NOTCH1: variants seen among roughly 807,000 people sequenced by gnomAD.
The protein encoded by NOTCH1 is neurogenic locus notch homolog protein 1.
NOTCH1 carries 37 observed loss-of-function variants against 254.8 expected under a neutral mutation model. The observed-to-expected ratio is 0.15, with a 90% confidence interval of 0.11 to 0.19. NOTCH1 has a LOEUF of 0.19. Ranked by LOEUF, NOTCH1 falls within the 10% of genes least tolerant of loss-of-function variation. NOTCH1 has a pLI of 1.00. For synonymous variants in NOTCH1, 1,731 were observed against 1,618.1 expected (o/e 1.07, Z -1.68); for missense variants, 2,972 against 3,708.6 (o/e 0.80, Z 5.16).
Position 136,544,113 on chromosome 9 carries a change from G to A in NOTCH1, c.62-11C>T, listed in dbSNP as rs2133406315. On this transcript the variant is annotated splice_polypyrimidine_tract_variant and intron_variant, in intron 1 of 33. Transcript: ENST00000651671. ...GGGAGCATCGCGGGCCTAGGCAGGG[G>A]CAGGAGAAGAGAGGTCAGTCTCACC... 1 of 1,564,788 alleles carries A rather than the reference G, an allele frequency of 6.4e-7. No homozygotes were observed. The highest frequency in any genetic ancestry group is 1.2e-5 in the South Asian group (1 of 85,186).
rs553606088 is a variant in NOTCH1 at position 136,518,649 on chromosome 9, G to A, written c.1041C>T (p.Gly347=). The A allele has an allele frequency of 6.3e-5, 101 of 1,611,496 alleles. 1 individual carries two copies. In the East Asian group the frequency reaches 1.9e-3, roughly 30 times the overall value. The stretch of plus-strand genomic sequence containing the variant: ...AGGCCACACGGTCATGGCAGGTGGC[G>A]CCGTGGAAGCAGGCGGCGCTGGCAC... ...DDCASAACFH[G]ATCHDRVASF... The change falls in exon 6 of 34, where the codon GGC becomes GGT. Residue 347 remains glycine (G), a synonymous_variant. Transcript: ENST00000651671.
chr9:136,499,088 G>A (rs771531664), intron 32 of NOTCH1, 24 bp downstream of exon 32: 1 of 1,612,842 alleles, frequency 6.2e-7, no homozygotes, highest in Non-Finnish European at 8.5e-7. Context: ...CCACGACAGA[G>A]CAGCCGTGCC....
At chr9:136,537,059 G>A (rs954421020) in intron 2 of NOTCH1, among the ~76,000 whole-genome samples, 1 of 152,192 alleles carries the variant, frequency 6.6e-6, no homozygotes, top group Non-Finnish European at 1.5e-5. Context: ...CCGCGGGCAC[G>A]CCAGTCCATC....
At position 136,517,858 on chromosome 9, in the gene NOTCH1, C is replaced by G. The variant is rs564566136; in HGVS notation, c.1335G>C (p.Thr445=). The G allele has an allele frequency of 6.2e-7, 1 of 1,612,688 alleles. No homozygotes were observed. The highest frequency in any genetic ancestry group is 8.5e-7 in the Non-Finnish European group (1 of 1,179,942). Residue 445 remains threonine, a synonymous_variant, in exon 8 of 34, where the codon ACG becomes ACC. Transcript: ENST00000651671. Reference sequence around the variant, plus strand: ...TGACGTCGATCTCGCATCGGGGGCCCGTGTAGCCCTGCAGACACTGGCACT... The same window carrying G: ...TGACGTCGATCTCGCATCGGGGGCCGGTGTAGCCCTGCAGACACTGGCACT... ...SFECQCLQGY[T]GPRCEIDVNE...
intron 9 of NOTCH1, among the ~76,000 whole-genome samples, 153 bp downstream of exon 9, chr9:136,517,119 A>G (rs1446282800): frequency 7.1e-6 from 1 of 140,358 alleles, no homozygotes; most frequent in Non-Finnish European, 1.5e-5. Context: ...CGGGGTGCGG[A>G]CGGCCCGAGG....
intron 24 of NOTCH1, 114 bp from the exon 25 acceptor site, chr9:136,505,995 G>C: frequency 1.1e-6 from 1 of 926,500 alleles, no homozygotes. Context: ...CCTGGGAGGC[G>C]GCCTGCAACC....
At position 136,523,621 on chromosome 9, in the gene NOTCH1, AC is replaced by A. The variant is rs1843411496; in HGVS notation, c.403+95del. ...GCTCCCAATTACTTCCGGGTCAGAG[AC>A]CCGGGCCTGGATCCCGCCAAGTACC... On this transcript the variant is annotated intron_variant, in intron 3 of 33. Coordinates refer to ENST00000651671, the MANE Select transcript of NOTCH1 (RefSeq NM_017617.5). The A allele has an allele frequency of 1.8e-5, 27 of 1,479,196 alleles. No individual in the cohort carries two copies. In the South Asian group the frequency reaches 3.3e-4, roughly 18 times the overall value. The allele number at this position is 1,479,196 out of a possible 1,614,324, so 91.6% of individuals were successfully genotyped here. A position where few individuals can be genotyped will look rare whatever the true frequency, so the allele number is the denominator to read the frequency against.
chr9:136,526,680 C>T (rs1041557205), intron 2 of NOTCH1, among the ~76,000 whole-genome samples: 64 of 152,358 alleles, frequency 4.2e-4, no homozygotes, highest in African/African-American at 1.5e-3. Context: ...CCGGGCCCCA[C>T]TCCCCACCCT....
At position 136,523,795 on chromosome 9, in the gene NOTCH1, T is replaced by C. The variant is rs1439692221; in HGVS notation, c.325A>G (p.Asn109Asp). The C allele has an allele frequency of 1.2e-6, 2 of 1,611,758 alleles. No individual in the cohort carries two copies. The highest frequency in any genetic ancestry group is 1.3e-5 in the African/African-American group (1 of 75,030). The change falls in exon 3 of 34, where the codon AAC (asparagine) becomes GAC (aspartate). Residue 109 changes from asparagine (N) to aspartate (D), a missense_variant. Physicochemically the swap from Asn to Asp is conservative, Grantham distance 23 (BLOSUM62 1). Around this residue, in one of 8 missense-constraint regions of NOTCH1, gnomAD observed 374 missense variants for 496.3 expected, o/e 0.75. Transcript: ENST00000651671. ...CAGGTGCCCCCGTTGCGGCAGGGGT[T>C]GGTGAGGCAGGCATTGTCCAGGGGT... Reference protein sequence around the residue: ...LTPLDNACLTNPCRNGGTCDL... With the variant: ...LTPLDNACLTDPCRNGGTCDL...
chr9:136,525,649 AC>A (rs1294397335), intron 2 of NOTCH1, among the ~76,000 whole-genome samples: 1 of 151,664 alleles, frequency 6.6e-6, no homozygotes, highest in Non-Finnish European at 1.5e-5. Context: ...TTCCCACAGG[AC>A]CCCCACCGGC....
In NOTCH1 at chr9:136,508,115, T is replaced by G. The variant is rs764816819; in HGVS notation, c.3350A>C (p.Gln1117Pro). The stretch of plus-strand genomic sequence containing the variant: ...CGCGTCCACACAGAGCCCTCCATGC[T>G]GGCACAGGCGGGCAACGTCAACACC... Reference protein sequence around the residue: ...RQGVDVARLCQHGGLCVDAGN... With the variant: ...RQGVDVARLCPHGGLCVDAGN... The change falls in exon 21 of 34, where the codon CAG (glutamine) becomes CCG (proline). Residue 1117 changes from glutamine (Q) to proline (P), a missense_variant. Transcript: ENST00000651671. 6.2e-7 allele frequency: 1 copy of G among 1,608,584 alleles called. No individual in the cohort carries two copies. Among genetic ancestry groups the G allele is most frequent in the Admixed American group, 1.7e-5 (1 of 59,968 alleles).
intron 2 of NOTCH1, among the ~76,000 whole-genome samples, chr9:136,528,393 G>GGGGGGTGGGCAGGGACAGTA (rs1564206604): frequency 6.8e-4 from 9 of 13,226 alleles, no homozygotes; most frequent in African/African-American, 1.8e-3. Flanking sequence ...CAGGGACAGT[G>GGGGGGTGGGCAGGGACAGTA]GGGGGGGATG....
At chr9:136,542,558 A>AG (rs1843747240) in intron 2 of NOTCH1, among the ~76,000 whole-genome samples, 1 of 151,488 alleles carries the variant, frequency 6.6e-6, no homozygotes, top group South Asian at 2.1e-4. Flanking sequence ...AAAAAAAAAA[A>AG]AAAAAAAAGT....
intron 2 of NOTCH1, among the ~76,000 whole-genome samples, chr9:136,528,545 G>A (rs1340858993): frequency 6.7e-6 from 1 of 148,686 alleles, no homozygotes; most frequent in Non-Finnish European, 1.5e-5. Context: ...GACGGGCAGG[G>A]ACAGTTGGTG....
intron 2 of NOTCH1, among the ~76,000 whole-genome samples, chr9:136,526,214 T>C (rs1843457115): frequency 6.6e-6 from 1 of 152,230 alleles, no homozygotes; most frequent in Non-Finnish European, 1.5e-5. Context: ...GAGCGGCCGC[T>C]GGGAACCCGT....
Position 136,510,749 on chromosome 9 carries a change from C to A in NOTCH1, c.2644G>T (p.Ala882Ser). 2 of 1,610,608 alleles carry A rather than the reference C, an allele frequency of 1.2e-6. No homozygotes were observed. Among genetic ancestry groups the A allele is most frequent in the South Asian group, 1.1e-5 (1 of 91,082 alleles). ...ECVLSPCRHGASCQNTHGGYR... is the reference protein window; with the variant it reads ...ECVLSPCRHGSSCQNTHGGYR... ...CCGCCGTGGGTGTTCTGGCAGGATG[C>A]GCCGTGCCGGCACGGGCTCAGAACG... The change falls in exon 17 of 34, where the codon GCA becomes TCA. Residue 882 changes from alanine to serine, a missense_variant. Ala to Ser is a moderately conservative substitution (Grantham distance 99). This residue lies in a region of NOTCH1 where 1,343 missense variants were observed against 1,557.0 expected (regional missense o/e 0.86). Transcript: ENST00000651671.
At position 136,533,278 on chromosome 9, in the gene NOTCH1, G is replaced by A. The variant is rs1278280344; in HGVS notation, c.141-9299C>T. Among the ~76,000 whole-genome samples the A allele has an allele frequency of 5.6e-5, 8 of 141,690 alleles. 3 individuals are homozygous for A. The highest frequency in any genetic ancestry group is 2.1e-4 in the African/African-American group (8 of 37,248). 93.0% of individuals were successfully genotyped at this position (141,690 alleles called of 152,430 possible). A position where few individuals can be genotyped will look rare whatever the true frequency, so the allele number is the denominator to read the frequency against. On this transcript the variant is annotated intron_variant, in intron 2 of 33. Transcript: ENST00000651671. Reference sequence around the variant, plus strand: ...GGCCCAAGGGGGGGACTCTGGCCCAGCCCCCTCCGCGCACCAGCCAGTGCC... The same window carrying A: ...GGCCCAAGGGGGGGACTCTGGCCCAACCCCCTCCGCGCACCAGCCAGTGCC...
Position 136,518,661 on chromosome 9 carries a change from G to A in NOTCH1, c.1029C>T (p.Ala343=). 6.2e-7 allele frequency: 1 copy of A among 1,612,364 alleles called. No homozygotes were observed. ...SENIDDCASA[A]CFHGATCHDR... is the part of the protein sequence containing the mutation. ...CATGGCAGGTGGCGCCGTGGAAGCAGGCGGCGCTGGCACAGTCATCAATGT... is the reference window on the plus strand; with the variant it reads ...CATGGCAGGTGGCGCCGTGGAAGCAAGCGGCGCTGGCACAGTCATCAATGT... Residue 343 remains alanine (A), a synonymous_variant, in exon 6 of 34, where the codon GCC becomes GCT. Coordinates refer to ENST00000651671, the MANE Select transcript of NOTCH1 (RefSeq NM_017617.5).
Position 136,506,849 on chromosome 9 carries a change from C to T in NOTCH1, c.3768G>A (p.Pro1256=), listed in dbSNP as rs779987984. The change falls in exon 23 of 34, where the codon CCG becomes CCA. Residue 1256 remains proline (P), a synonymous_variant. Coordinates refer to ENST00000651671, the MANE Select transcript of NOTCH1 (RefSeq NM_017617.5). The surrounding 1 kb of genome is among the most constrained non-coding windows in gnomAD (Gnocchi z 4.5). ...CACAGCGCTCACCCACGAAGCCCGG[C>T]GGGCAGGTGCAGCTGTAGCCGCCCA... The part of the protein sequence containing the change: ...DQVGGYSCTC[P]PGFVGERCEG... 1.6e-5 allele frequency: 26 copies of T among 1,611,950 alleles called. No individual in the cohort carries two copies. In the Admixed American group the frequency reaches 2.7e-4, roughly 17 times the overall value.
Sources: gnomAD v4.1 joint callset for allele counts (sites outside exome capture counted in the v4.1 genomes callset) on GRCh38, gnomAD v4.1.1 for gene constraint, gnomAD v4.1.1 regional missense constraint, Gnocchi (gnomAD v3.1) non-coding constraint, MANE v1.5 for transcripts, NCBI Gene and HGNC (gene_info 2026-07-23, HGNC 2026-07-21) for gene names.